ASXL3: variants seen among roughly 807,000 people sequenced by gnomAD.
The protein encoded by ASXL3 is ASXL transcriptional regulator 3, also known as putative Polycomb group protein ASXL3.
Under a neutral mutation model 170.6 loss-of-function variants are expected in ASXL3, and 34 were observed. The ratio of observed to expected loss-of-function variants is 0.20; its 90% CI spans 0.15 to 0.27. The LOEUF is 0.27. Ranked by LOEUF, ASXL3 falls within the 10% of genes least tolerant of loss-of-function variation. ASXL3 has a pLI of 1.00. For synonymous variants in ASXL3, 1,002 were observed against 989.1 expected (o/e 1.01, Z -0.24); for missense variants, 2,592 against 2,695.3 (o/e 0.96, Z 0.85).
In ASXL3 at chr18:33,688,821, G is replaced by T. The variant is rs114175465; in HGVS notation, c.879+5253G>T. On this transcript the variant is annotated intron_variant, in intron 8 of 11. Coordinates refer to ENST00000269197, the MANE Select transcript of ASXL3 (RefSeq NM_030632.3). ...CTGCTTTTCTCCAGAAGGCTAGCCTGTATGTGGACTACTGTATCAGGAGGG... is the reference window on the plus strand; with the variant it reads ...CTGCTTTTCTCCAGAAGGCTAGCCTTTATGTGGACTACTGTATCAGGAGGG... 7.2e-3 allele frequency among the ~76,000 whole-genome samples: 1,094 copies of T among 152,286 alleles called. 14 individuals are homozygous for T. The highest frequency in any genetic ancestry group is 0.025 in the African/African-American group (1,043 of 41,568).
rs781379944 is a variant in ASXL3, at chr18:33,726,200, C to T, written c.880-5768C>T. Reference sequence around the variant, plus strand: ...CAAAAATTCTTGATATCAGCCTTGCCTGCCCTCTTTCATACCACACATTTA... The same window carrying T: ...CAAAAATTCTTGATATCAGCCTTGCTTGCCCTCTTTCATACCACACATTTA... On this transcript the variant is annotated intron_variant, in intron 8 of 11. Transcript: ENST00000269197. 1.1e-3 allele frequency among the ~76,000 whole-genome samples: 175 copies of T among 152,254 alleles called. 1 individual carries two copies. The highest frequency in any genetic ancestry group is 3.2e-3 in the Admixed American group (49 of 15,284).
At chr18:33,637,502 C>G (rs963713696) in intron 2 of ASXL3, among the ~76,000 whole-genome samples, 1 of 151,998 alleles carries the variant, frequency 6.6e-6, no homozygotes, top group African/African-American at 2.4e-5. Context: ...GGAGTATTGA[C>G]CATTGCTAAT....
chr18:33,744,031 C>A lies in ASXL3; in HGVS notation c.4183C>A (p.Leu1395Ile), dbSNP rs756275562. Residue 1395 changes from leucine to isoleucine, a missense_variant, in exon 12 of 12, where the codon CTC (leucine) becomes ATC (isoleucine). Around this residue, in one of 4 missense-constraint regions of ASXL3, gnomAD observed 2,246 missense variants for 2,219.6 expected, o/e 1.01. Coordinates refer to ENST00000269197, the MANE Select transcript of ASXL3 (RefSeq NM_030632.3). ...CATGGGTACCACTGTGAGAGCAGCC[C>A]TCAGCTGCAGTGATTCTGTAGCGGT... ...VSMGTTVRAA[L>I]SCSDSVAVTD... The A allele has an allele frequency of 6.2e-7, 1 of 1,614,028 alleles. No individual in the cohort carries two copies. Among genetic ancestry groups the A allele is most frequent in the South Asian group, 1.1e-5 (1 of 91,072 alleles).
rs770314703 is a variant in ASXL3 at position 33,743,506 on chromosome 18, A to G, written c.3658A>G (p.Thr1220Ala). 38 of 1,613,508 alleles carry G rather than the reference A, an allele frequency of 2.4e-5. No individual in the cohort carries two copies. Among genetic ancestry groups the G allele is most frequent in the Non-Finnish European group, 3.2e-5 (38 of 1,179,836 alleles). The change falls in exon 12 of 12, where the codon ACC becomes GCC. Residue 1220 changes from threonine to alanine, a missense_variant. Thr to Ala is a moderately conservative substitution (Grantham distance 58). Coordinates refer to ENST00000269197, the MANE Select transcript of ASXL3 (RefSeq NM_030632.3). The part of the protein sequence containing the change: ...SHLSEKIVSS[T>A]SSENSSVPML... Reference sequence around the variant, plus strand: ...TTTATCTGAGAAAATTGTTTCATCTACCTCTTCTGAAAATAGCAGTGTGCC... The same window carrying G: ...TTTATCTGAGAAAATTGTTTCATCTGCCTCTTCTGAAAATAGCAGTGTGCC...
intron 2 of ASXL3, among the ~76,000 whole-genome samples, chr18:33,618,947 G>A (rs182989294): frequency 2.6e-5 from 4 of 152,204 alleles, no homozygotes; most frequent in South Asian, 2.1e-4. Context: ...CTGAAATGCT[G>A]TGTTTTATAT....
At chr18:33,589,421 A>C (rs2065060488) in intron 1 of ASXL3, among the ~76,000 whole-genome samples, 1 of 152,142 alleles carries the variant, frequency 6.6e-6, no homozygotes, top group Non-Finnish European at 1.5e-5. Flanking sequence ...ATTTATAATC[A>C]CTTATTTAAA....
chr18:33,663,026 A>G (rs1438829061), intron 5 of ASXL3, among the ~76,000 whole-genome samples: 1 of 152,206 alleles, frequency 6.6e-6, no homozygotes, highest in Non-Finnish European at 1.5e-5. Context: ...AGGTAGTAAC[A>G]GTATTTCACC....
intron 8 of ASXL3, among the ~76,000 whole-genome samples, chr18:33,695,030 C>T (rs533691514): frequency 1.4e-3 from 220 of 152,148 alleles, no homozygotes; most frequent in African/African-American, 5.0e-3. Context: ...CTTTTCCCTC[C>T]GTGGAAATAG....
chr18:33,719,835 A>T (rs1599539927), intron 8 of ASXL3, among the ~76,000 whole-genome samples: 1 of 152,020 alleles, frequency 6.6e-6, no homozygotes, highest in Non-Finnish European at 1.5e-5. Context: ...TGGTACCTTA[A>T]TCTTGGATTT....
Position 33,640,767 on chromosome 18 carries a change from G to T in ASXL3, c.138-4127G>T, listed in dbSNP as rs1240798131. ...GCATTATTAATTTTTTTGAAAGAAT[G>T]AGCATATAATTGTTTATATTAATTT... is the stretch of plus-strand genomic sequence containing the variant. On this transcript the variant is annotated intron_variant, in intron 2 of 11. Coordinates refer to ENST00000269197, the MANE Select transcript of ASXL3 (RefSeq NM_030632.3). Among the ~76,000 whole-genome samples the T allele has an allele frequency of 2.6e-5, 4 of 151,940 alleles. 1 individual carries two copies.
Position 33,733,935 on chromosome 18 carries a change from G to A in ASXL3, c.977-375G>A, listed in dbSNP as rs369853728. On this transcript the variant is annotated intron_variant, in intron 9 of 11. Transcript: ENST00000269197. ...TACATTTATTATTATGGCTTATACA[G>A]GGCTTCATACATTGTATTATAGTCT... Among the ~76,000 whole-genome samples the A allele has an allele frequency of 8.0e-4, 122 of 152,108 alleles. 1 individual carries two copies. The highest frequency in any genetic ancestry group is 2.8e-3 in the African/African-American group (118 of 41,496).
intron 8 of ASXL3, among the ~76,000 whole-genome samples, chr18:33,704,230 C>T (rs1259351598): frequency 1.3e-5 from 2 of 152,040 alleles, no homozygotes; most frequent in African/African-American, 4.8e-5. Flanking sequence ...TATATTCTTT[C>T]CTATTAAGTT....
intron 9 of ASXL3, 31 bp from the exon 10 acceptor site, chr18:33,734,279 T>C: frequency 6.7e-7 from 1 of 1,483,688 alleles, no homozygotes; most frequent in Non-Finnish European, 9.2e-7. Flanking sequence ...TGTGACCACA[T>C]TTATTCAATA....
intron 2 of ASXL3, among the ~76,000 whole-genome samples, chr18:33,608,555 T>C (rs2065284843): frequency 6.6e-6 from 1 of 151,970 alleles, no homozygotes; most frequent in Non-Finnish European, 1.5e-5. Flanking sequence ...GTTAGGGCCA[T>C]ATAGATGATA....
Position 33,748,522 on chromosome 18 carries a change from A to G in ASXL3, c.*1927A>G, listed in dbSNP as rs1382958711. ...AATTGGCAAAACTAATGACTGAGAA[A>G]GTTAGTTAGCAATGCACTTAACCAG... is the stretch of plus-strand genomic sequence containing the variant. On this transcript the variant is annotated 3_prime_UTR_variant, in exon 12 of 12. Transcript: ENST00000269197. 1 of 152,208 alleles carries G rather than the reference A, an allele frequency of 6.6e-6. No individual in the cohort carries two copies. Among genetic ancestry groups the G allele is most frequent in the Non-Finnish European group, 1.5e-5 (1 of 68,038 alleles). 9.4% of individuals were successfully genotyped at this position (152,208 alleles called of 1,614,324 possible).
At chr18:33,587,356 G>C (rs903854454) in intron 1 of ASXL3, among the ~76,000 whole-genome samples, 3 of 151,974 alleles carry the variant, frequency 2.0e-5, no homozygotes, top group Non-Finnish European at 4.4e-5. Context: ...TTTGACATTA[G>C]TTAATTGATT....
At chr18:33,709,330 C>G (rs935204801) in intron 8 of ASXL3, among the ~76,000 whole-genome samples, 1 of 150,260 alleles carries the variant, frequency 6.7e-6, no homozygotes, top group Non-Finnish European at 1.5e-5. Context: ...AAAACATGAG[C>G]AGAAAAGTTA....
At chr18:33,696,920 A>T (rs4799713) in intron 8 of ASXL3, among the ~76,000 whole-genome samples, 72,632 of 151,856 alleles carry the variant, frequency 0.48, 17,878 homozygotes, top group East Asian at 0.82. Context: ...CCAAACCTCA[A>T]CTTGGACAAA....
intron 8 of ASXL3, among the ~76,000 whole-genome samples, chr18:33,709,918 G>A (rs2067027018): frequency 1.3e-5 from 2 of 152,218 alleles, no homozygotes; most frequent in South Asian, 4.2e-4. Flanking sequence ...CTCCCACCAT[G>A]ACCCCTAGCT....
Sources: allele counts gnomAD v4.1 joint callset (sites outside exome capture counted in the v4.1 genomes callset), GRCh38; gene constraint gnomAD v4.1.1; regional missense constraint gnomAD v4.1.1; transcripts MANE v1.5; gene names NCBI Gene and HGNC (gene_info 2026-07-23, HGNC 2026-07-21).